Variants in FBXO32 observed in about 807,000 individuals in gnomAD.
FBXO32 encodes the protein F-box only protein 32.
In FBXO32, 15 loss-of-function variants were observed where a neutral mutation model predicts 48.3. The observed-to-expected ratio is 0.31, with a 90% CI of 0.21 to 0.48. The LOEUF is 0.48. Ranked by LOEUF, FBXO32 falls within the 20% of genes least tolerant of loss-of-function variation. The pLI is 0.99. For missense variants in FBXO32, 309 were observed against 432.7 expected (o/e 0.71, Z 2.54); for synonymous variants, 154 against 165.9 (o/e 0.93, Z 0.55).
chr8:123,526,974 A>G (rs1817090943), intron 4 of FBXO32: 1 of 152,200 alleles, frequency 6.6e-6, no homozygotes, highest in South Asian at 2.1e-4. Context: ...ACAGCCATAG[A>G]CAATATCTAA....
rs556879870 is a variant in FBXO32, at chr8:123,506,503, G to A, written c.723C>T (p.Ser241=). The change falls in exon 7 of 9, where the codon AGC becomes AGT. Residue 241 remains serine, a synonymous_variant. Coordinates refer to ENST00000517956, the MANE Select transcript of FBXO32 (RefSeq NM_058229.4). The surrounding 1 kb of genome is among the most constrained non-coding windows in gnomAD (Gnocchi z 4.0). The part of the protein sequence containing the change: ...CLQLNIMQRL[S]DGRDLVSLGQ... The stretch of plus-strand genomic sequence containing the variant: ...CCAGGCTGACCAGGTCCCGCCCGTC[G>A]CTCAGCCTCTGCATGATGTTCAGTT... 22 of 1,613,822 alleles carry A rather than the reference G, an allele frequency of 1.4e-5. No individual in the cohort carries two copies. The East Asian group carries it at 2.7e-4, about 20-fold the overall frequency.
At chr8:123,537,237 ATT>A (rs575156237) in intron 1 of FBXO32, among the ~76,000 whole-genome samples, 1 of 147,474 alleles carries the variant, frequency 6.8e-6, no homozygotes. Flanking sequence ...GGAGCACAGG[ATT>A]TTTTTTTTTT....
At chr8:123,512,455 A>G (rs1225579295) in intron 6 of FBXO32, among the ~76,000 whole-genome samples, 1 of 152,110 alleles carries the variant, frequency 6.6e-6, no homozygotes, top group African/African-American at 2.4e-5. Context: ...ATAAATAAGC[A>G]AAGTGCTACA....
chr8:123,534,446 C>T (rs1249854823), intron 2 of FBXO32, among the ~76,000 whole-genome samples: 1 of 152,090 alleles, frequency 6.6e-6, no homozygotes, highest in African/African-American at 2.4e-5. Context: ...ATGTCAAATA[C>T]GAATGACTAG....
chr8:123,540,852 CCGGGTCAGTTT>C lies in FBXO32; in HGVS notation c.116+36_116+46del, dbSNP rs1817396355. On this transcript the variant is annotated intron_variant, in intron 1 of 8. Transcript: ENST00000517956. The surrounding 1 kb of genome is among the most constrained non-coding windows in gnomAD (Gnocchi z 6.4). ...CCGTCCCTGCGCCCCCCAGACCAGC[CCGGGTCAGTTT>C]CGCGGGGGCTGGAAGTTGGTAGCGG... is the stretch of plus-strand genomic sequence containing the variant. 1 of 1,521,518 alleles carries C rather than the reference CCGGGTCAGTTT, an allele frequency of 6.6e-7. No homozygotes were observed. The highest frequency in any genetic ancestry group is 2.3e-5 in the East Asian group (1 of 42,684). The allele number at this position is 1,521,518 out of a possible 1,614,324, so 94.3% of individuals were successfully genotyped here. A position where few individuals can be genotyped will look rare whatever the true frequency, so the allele number is the denominator to read the frequency against.
At chr8:123,537,593 T>C (rs968324057) in intron 1 of FBXO32, among the ~76,000 whole-genome samples, 26 of 152,098 alleles carry the variant, frequency 1.7e-4, no homozygotes, top group African/African-American at 6.3e-4. Context: ...TTAATTGTAG[T>C]TATATAGCCT....
chr8:123,536,605 T>C (rs558562563), intron 1 of FBXO32, among the ~76,000 whole-genome samples: 1 of 152,282 alleles, frequency 6.6e-6, no homozygotes, highest in South Asian at 2.1e-4. Context: ...AGCTAGAACA[T>C]TTTGTGTGCA....
intron 7 of FBXO32, among the ~76,000 whole-genome samples, chr8:123,505,566 T>A (rs1816599786): frequency 6.6e-6 from 1 of 152,132 alleles, no homozygotes; most frequent in Non-Finnish European, 1.5e-5. Flanking sequence ...TGAAACCCTG[T>A]CTCTACTAAA....
intron 6 of FBXO32, among the ~76,000 whole-genome samples, chr8:123,509,780 C>G (rs968601423): frequency 6.6e-6 from 1 of 152,108 alleles, no homozygotes; most frequent in South Asian, 2.1e-4. Context: ...GTACAGCTCT[C>G]AATATAAGGA....
In FBXO32 at chr8:123,525,032, G is replaced by A. The variant is rs1411548107; in HGVS notation, c.372+6866C>T. Among the ~76,000 whole-genome samples, 3 of 152,248 alleles carry A rather than the reference G, an allele frequency of 2.0e-5. No individual in the cohort carries two copies. Among genetic ancestry groups the A allele is most frequent in the Non-Finnish European group, 2.9e-5 (2 of 68,044 alleles). On this transcript the variant is annotated intron_variant, in intron 4 of 8. Transcript: ENST00000517956. This position sits in a 1 kb window ranked among gnomAD's most constrained non-coding sequence, Gnocchi z 4.3. ...TGTGTGAAGGGGCCAGGATGCTGAT[G>A]CACATCAAGGCCCAGCAGGGGCTTG...
chr8:123,538,582 C>G (rs1410648666), intron 1 of FBXO32, among the ~76,000 whole-genome samples: 1 of 152,078 alleles, frequency 6.6e-6, no homozygotes, highest in Non-Finnish European at 1.5e-5. Flanking sequence ...AGGCCAACTG[C>G]TTTTAAGAAG....
chr8:123,523,274 C>T (rs1816999292), intron 4 of FBXO32, among the ~76,000 whole-genome samples: 1 of 152,152 alleles, frequency 6.6e-6, no homozygotes, highest in African/African-American at 2.4e-5. Flanking sequence ...CCCAACAGAG[C>T]CTAGATGCTT....
chr8:123,526,154 C>T lies in FBXO32; in HGVS notation c.372+5744G>A, dbSNP rs57953104. ...TGCTATTGTCATCATTTCCATTTTA[C>T]AGATGGGCGAGTGAGGCCTGACCAA... On this transcript the variant is annotated intron_variant, in intron 4 of 8. Transcript: ENST00000517956. 6.4e-3 allele frequency among the ~76,000 whole-genome samples: 969 copies of T among 152,134 alleles called. 12 individuals carry two copies. The highest frequency in any genetic ancestry group is 0.022 in the African/African-American group (927 of 41,510).
chr8:123,540,782 G>C lies in FBXO32; in HGVS notation c.116+117C>G, dbSNP rs942275339. 1.2e-6 allele frequency: 1 copy of C among 819,092 alleles called. No individual in the cohort carries two copies. The highest frequency in any genetic ancestry group is 2.0e-6 in the Non-Finnish European group (1 of 507,314). 50.7% of individuals were successfully genotyped at this position (819,092 alleles called of 1,614,324 possible). A position where few individuals can be genotyped will look rare whatever the true frequency, so the allele number is the denominator to read the frequency against. Reference sequence around the variant, plus strand: ...CCCGTAGTCCCACCCTCCGGGTCAGGGTCTCCCTCCTCAGCCCGCTCCAGC... The same window carrying C: ...CCCGTAGTCCCACCCTCCGGGTCAGCGTCTCCCTCCTCAGCCCGCTCCAGC... On this transcript the variant is annotated intron_variant, in intron 1 of 8. Transcript: ENST00000517956. This position sits in a 1 kb window ranked among gnomAD's most constrained non-coding sequence, Gnocchi z 6.4.
At position 123,501,383 on chromosome 8, in the gene FBXO32, A is replaced by C. The variant is rs1027294517; in HGVS notation, c.*1990T>G. 8 of 151,926 alleles carry C rather than the reference A, an allele frequency of 5.3e-5. No individual in the cohort carries two copies. The South Asian group carries it at 1.0e-3, about 20-fold the overall frequency. 9.4% of individuals were successfully genotyped at this position (151,926 alleles called of 1,614,324 possible). On this transcript the variant is annotated 3_prime_UTR_variant, in exon 9 of 9. Transcript: ENST00000517956. ...GATTGCAAAAAAAAAACAAAAAAAA[A>C]CAAAACAAAACACACACCTTAGATA...
At chr8:123,538,046 A>G (rs901365786) in intron 1 of FBXO32, among the ~76,000 whole-genome samples, 3 of 152,150 alleles carry the variant, frequency 2.0e-5, no homozygotes, top group South Asian at 2.1e-4. Flanking sequence ...AATCTGCCCC[A>G]GCATATTTAA....
intron 1 of FBXO32, among the ~76,000 whole-genome samples, chr8:123,535,181 T>C (rs1817286573): frequency 6.6e-6 from 1 of 152,156 alleles, no homozygotes; most frequent in Non-Finnish European, 1.5e-5. Context: ...TGATTACTGG[T>C]ATCGCTGTAC....
intron 1 of FBXO32, among the ~76,000 whole-genome samples, chr8:123,537,539 G>T (rs963534489): frequency 2.0e-5 from 3 of 152,062 alleles, no homozygotes; most frequent in Non-Finnish European, 4.4e-5. Context: ...CATTTCATTT[G>T]CAATAAAAAC....
rs1390177533 is a variant in FBXO32 at position 123,506,351 on chromosome 8, G to C, written c.834+41C>G. 1.2e-6 allele frequency: 2 copies of C among 1,604,494 alleles called. No individual in the cohort carries two copies. Among genetic ancestry groups the C allele is most frequent in the African/African-American group, 2.7e-5 (2 of 74,690 alleles). On this transcript the variant is annotated intron_variant, in intron 7 of 8. Coordinates refer to ENST00000517956, the MANE Select transcript of FBXO32 (RefSeq NM_058229.4). This position sits in a 1 kb window ranked among gnomAD's most constrained non-coding sequence, Gnocchi z 4.0. ...CCAAGGAAGTTTGGGGTGAGGGCCA[G>C]AGAAGGAGGGTGGGAGGAAAGCCCA...
Sources: gnomAD v4.1 joint callset for allele counts (sites outside exome capture counted in the v4.1 genomes callset) on GRCh38, gnomAD v4.1.1 for gene constraint, Gnocchi (gnomAD v3.1) non-coding constraint, MANE v1.5 for transcripts, NCBI Gene and HGNC (gene_info 2026-07-23, HGNC 2026-07-21) for gene names.